Variants in CCDC194 observed in about 807,000 individuals in gnomAD.
CCDC194 encodes the protein coiled-coil domain-containing protein 194.
A neutral mutation model predicts 4.9 loss-of-function variants in CCDC194; 8 were observed. That is an observed-to-expected ratio of 1.65 (90% CI 0.97 to 2.97). CCDC194 has a LOEUF of 2.97. Among genes scored for constraint, CCDC194 ranks in the 30% most tolerant of loss-of-function variants. CCDC194 has a pLI of 0.00. For synonymous variants in CCDC194, 13 were observed against 17.0 expected (o/e 0.76, Z 0.58); for missense variants, 52 against 43.1 (o/e 1.21, Z -0.58).
intron 1 of CCDC194, chr19:17,392,309 C>T (rs1312321697): frequency 6.9e-6 from 1 of 144,606 alleles, no homozygotes; most frequent in Non-Finnish European, 1.5e-5. Context: ...CCCATCTCTA[C>T]TTAAAAAAAA....
chr19:17,390,635 G>C lies in CCDC194; in HGVS notation c.579C>G (p.Ser193Arg). 1 of 398,052 alleles carries C rather than the reference G, an allele frequency of 2.5e-6. No individual in the cohort carries two copies. Among genetic ancestry groups the C allele is most frequent in the South Asian group, 1.3e-4 (1 of 7,854 alleles). 24.7% of individuals were successfully genotyped at this position (398,052 alleles called of 1,614,324 possible). Residue 193 changes from serine (S) to arginine (R), a missense_variant, in exon 4 of 4, where the codon AGC becomes AGG. Coordinates refer to ENST00000636079, the Ensembl canonical transcript of CCDC194. The surrounding 1 kb of genome is among the most constrained non-coding windows in gnomAD (Gnocchi z 5.5). ...GCGGCCGGGGCACTCTGCGCTGTGG[G>C]CTCATCTCGGCTTCCAGGACGTTAC...
At chr19:17,394,032 C>T (rs960531695) in exon 1 of CCDC194, 85 of 389,332 alleles carry the variant, frequency 2.2e-4, no homozygotes, top group African/African-American at 1.6e-3. Flanking sequence ...GGTCCCCGAG[C>T]AGCCGAGGCG....
rs1448420232 is a variant in CCDC194 at position 17,390,897 on chromosome 19, C to T, written c.555-238G>A. ...AGCTCTGTCCCCCTACCACCAGCCT[C>T]TCCCTCGATACTCCCTTTTCCTTGC... On this transcript the variant is annotated intron_variant, in intron 3 of 3. Coordinates refer to ENST00000636079, the Ensembl canonical transcript of CCDC194. This position sits in a 1 kb window ranked among gnomAD's most constrained non-coding sequence, Gnocchi z 5.5. Among the ~76,000 whole-genome samples, 2 of 152,064 alleles carry T rather than the reference C, an allele frequency of 1.3e-5. No individual in the cohort carries two copies. Among genetic ancestry groups the T allele is most frequent in the Admixed American group, 1.3e-4 (2 of 15,258 alleles).
At chr19:17,394,164 G>A (rs2074665900), upstream of CCDC194, 2 of 391,254 alleles carry the variant, frequency 5.1e-6, no homozygotes, top group Non-Finnish European at 9.0e-6. Context: ...GCCATGCCGC[G>A]GTCCACAGCT....
intron 3 of CCDC194, 145 bp downstream of exon 3, chr19:17,391,065 TC>T: frequency 3.0e-6 from 1 of 331,000 alleles, no homozygotes; most frequent in Non-Finnish European, 5.2e-6. Flanking sequence ...AATTCCAGGA[TC>T]CCCCTATTAA....
rs976448951 is a variant in CCDC194, at chr19:17,390,615, C to CGG, written c.597_598dup (p.Arg200ProfsTer?). 1.3e-5 allele frequency: 5 copies of CGG among 397,864 alleles called. No homozygotes were observed. The highest frequency in any genetic ancestry group is 2.2e-5 in the Non-Finnish European group (5 of 225,646). The allele number at this position is 397,864 out of a possible 1,614,324, so 24.6% of individuals were successfully genotyped here. ...TCGGGACCCCGAGCGGGGACGCGGC[C>CGG]GGGGCACTCTGCGCTGTGGGCTCAT... On this transcript the variant is annotated frameshift_variant, in exon 4 of 4. Transcript: ENST00000636079. LOFTEE classifies it low-confidence loss of function (END_TRUNC). The surrounding 1 kb of genome is among the most constrained non-coding windows in gnomAD (Gnocchi z 5.5).
At chr19:17,389,604 A>T (rs924577191), downstream of CCDC194, among the ~76,000 whole-genome samples, 5 of 152,300 alleles carry the variant, frequency 3.3e-5, no homozygotes, top group South Asian at 1.0e-3. Context: ...TAGTATAGCA[A>T]TTAACAGACT....
At chr19:17,388,791 CTG>C (rs1382705641), downstream of CCDC194, among the ~76,000 whole-genome samples, 1 of 152,170 alleles carries the variant, frequency 6.6e-6, no homozygotes, top group African/African-American at 2.4e-5. Context: ...GCATGAACCA[CTG>C]TGCCCAGCAT....
Position 17,390,594 on chromosome 19 carries a change from G to C in CCDC194, c.620C>G (p.Ser207Cys), listed in dbSNP as rs1599587231. The C allele has an allele frequency of 2.5e-6, 1 of 397,818 alleles. No individual in the cohort carries two copies. The highest frequency in any genetic ancestry group is 4.4e-6 in the Non-Finnish European group (1 of 225,512). 24.6% of individuals were successfully genotyped at this position (397,818 alleles called of 1,614,324 possible). ...CGAGCGAGGGCTGGGCCGGGGTCGG[G>C]ACCCCGAGCGGGGACGCGGCCGGGG... is the stretch of plus-strand genomic sequence containing the variant. Residue 207 changes from serine (S) to cysteine (C), a missense_variant, in exon 4 of 4, where the codon TCC becomes TGC. Ser to Cys is a moderately radical substitution (Grantham distance 112). Coordinates refer to ENST00000636079, the Ensembl canonical transcript of CCDC194. This position sits in a 1 kb window ranked among gnomAD's most constrained non-coding sequence, Gnocchi z 5.5.
Position 17,390,769 on chromosome 19 carries a change from C to A in CCDC194, c.555-110G>T, listed in dbSNP as rs1185791003. On this transcript the variant is annotated intron_variant, in intron 3 of 3. Transcript: ENST00000636079. The surrounding 1 kb of genome is among the most constrained non-coding windows in gnomAD (Gnocchi z 5.5). ...TGCTGGGAACTCCATCCCCAGAGAT[C>A]CCCATCTCCCAGGGTTTCCCGCTCC... is the stretch of plus-strand genomic sequence containing the variant. The A allele has an allele frequency of 5.1e-6, 2 of 392,860 alleles. No homozygotes were observed. The highest frequency in any genetic ancestry group is 9.0e-6 in the Non-Finnish European group (2 of 222,410). 24.3% of individuals were successfully genotyped at this position (392,860 alleles called of 1,614,324 possible).
intron 1 of CCDC194, chr19:17,392,116 G>T: frequency 3.0e-6 from 1 of 328,018 alleles, no homozygotes; most frequent in South Asian, 8.5e-5. Context: ...AGAGTGCTGA[G>T]CTCTGCGGTC....
intron 1 of CCDC194, among the ~76,000 whole-genome samples, chr19:17,393,052 G>T (rs1157937318): frequency 1.3e-5 from 2 of 152,168 alleles, no homozygotes; most frequent in South Asian, 2.1e-4. Context: ...GGAATGGGGG[G>T]TGTGCACAGA....
chr19:17,392,793 C>T (rs2074659703), intron 1 of CCDC194, among the ~76,000 whole-genome samples: 1 of 152,194 alleles, frequency 6.6e-6, no homozygotes, highest in Non-Finnish European at 1.5e-5. Flanking sequence ...GGTGGGATCT[C>T]AGCTCACTGC....
At chr19:17,391,898 TG>T (rs1246924414) in intron 1 of CCDC194, 52 bp from the exon 2 acceptor site, 1 of 1,430,338 alleles carries the variant, frequency 7.0e-7, no homozygotes, top group Non-Finnish European at 9.1e-7. Context: ...AGAGGAGGAG[TG>T]ATTCGGCCTG....
downstream of CCDC194, among the ~76,000 whole-genome samples, chr19:17,387,204 T>A (rs1350225465): frequency 6.6e-6 from 1 of 152,172 alleles, no homozygotes; most frequent in East Asian, 1.9e-4. Context: ...CAGACATTTT[T>A]AAAAACAATT....
downstream of CCDC194, among the ~76,000 whole-genome samples, chr19:17,389,601 G>A (rs1173222492): frequency 6.6e-6 from 1 of 152,112 alleles, no homozygotes; most frequent in Non-Finnish European, 1.5e-5. Context: ...TATTAGTATA[G>A]CAATTAACAG....
At chr19:17,390,505 C>T (rs1048282957), downstream of CCDC194, 46 of 393,070 alleles carry the variant, frequency 1.2e-4, no homozygotes, top group Non-Finnish European at 1.9e-4. This position sits in a 1 kb window ranked among gnomAD's most constrained non-coding sequence, Gnocchi z 5.5. Flanking sequence ...GGCAGGGGGC[C>T]GACTCACCCT....
chr19:17,392,772 G>A (rs939242838), intron 1 of CCDC194, among the ~76,000 whole-genome samples: 8 of 152,252 alleles, frequency 5.3e-5, no homozygotes, highest in South Asian at 2.1e-4. Flanking sequence ...TCGCCCAGGC[G>A]GGAGTGCAGT....
exon 3 of CCDC194, chr19:17,391,312 C>T (rs2074653852): frequency 1.4e-5 from 6 of 431,612 alleles, no homozygotes; most frequent in South Asian, 1.3e-4. Context: ...GCGTAGACTC[C>T]GTGGCCGCCG....
Sources: allele counts gnomAD v4.1 joint callset (sites outside exome capture counted in the v4.1 genomes callset), GRCh38; gene constraint gnomAD v4.1.1; non-coding constraint Gnocchi (gnomAD v3.1); transcripts MANE v1.5; gene names NCBI Gene and HGNC (gene_info 2026-07-23, HGNC 2026-07-21).